Variants in PLA2G4C observed in about 807,000 individuals in gnomAD.
The protein encoded by PLA2G4C is cytosolic phospholipase A2 gamma.
Under a neutral mutation model 73.8 loss-of-function variants are expected in PLA2G4C, and 64 were observed. The observed-to-expected ratio is 0.87, with a 90% CI of 0.71 to 1.07. The LOEUF is 1.07. Among genes scored for constraint, PLA2G4C ranks in the 50% least tolerant of loss-of-function variants. PLA2G4C has a pLI of 0.00. For missense variants in PLA2G4C, 622 were observed against 665.4 expected (o/e 0.93, Z 0.72); for synonymous variants, 254 against 252.1 (o/e 1.01, Z -0.07).
At chr19:48,074,021 G>A (rs1210215290) in intron 12 of PLA2G4C, among the ~76,000 whole-genome samples, 1 of 152,024 alleles carries the variant, frequency 6.6e-6, no homozygotes, top group African/African-American at 2.4e-5. Flanking sequence ...TGCAGGACGT[G>A]TAGATTTGTT....
chr19:48,099,424 A>G (rs2031780498), intron 5 of PLA2G4C, among the ~76,000 whole-genome samples: 1 of 152,144 alleles, frequency 6.6e-6, no homozygotes, highest in South Asian at 2.1e-4. Flanking sequence ...ATGTCTGTGT[A>G]TCTTTCTAGT....
chr19:48,101,833 C>T (rs2031936154), intron 4 of PLA2G4C, among the ~76,000 whole-genome samples: 1 of 151,632 alleles, frequency 6.6e-6, no homozygotes, highest in Admixed American at 6.6e-5. Context: ...TGCCACCACA[C>T]CCAGCTAATT....
chr19:48,096,259 C>A (rs1025855490), intron 6 of PLA2G4C, among the ~76,000 whole-genome samples: 1 of 151,864 alleles, frequency 6.6e-6, no homozygotes, highest in Non-Finnish European at 1.5e-5. Context: ...GGTGAGAAAA[C>A]AGCACAAGGA....
At chr19:48,080,993 C>CAAAAAAAAAAAAA (rs34388817) in intron 10 of PLA2G4C, among the ~76,000 whole-genome samples, 3 of 102,870 alleles carry the variant, frequency 2.9e-5, no homozygotes, top group Non-Finnish European at 3.8e-5. Context: ...ACTAAAAATA[C>CAAAAAAAAAAAAA]AAAAAAAAAA....
At chr19:48,079,985 T>C (rs1413297781) in intron 10 of PLA2G4C, among the ~76,000 whole-genome samples, 1 of 152,080 alleles carries the variant, frequency 6.6e-6, no homozygotes, top group Non-Finnish European at 1.5e-5. Context: ...ATATGGGACC[T>C]GAGTAAATTA....
chr19:48,096,381 G>A (rs1181437775), intron 6 of PLA2G4C, among the ~76,000 whole-genome samples: 4 of 152,032 alleles, frequency 2.6e-5, no homozygotes, highest in Admixed American at 6.6e-5. Context: ...TCAGGAGTTC[G>A]AGACCAGCCT....
chr19:48,084,111 CTGTAGTGGTG>C (rs2122598475), intron 10 of PLA2G4C, among the ~76,000 whole-genome samples: 1 of 148,574 alleles, frequency 6.7e-6, no homozygotes, highest in South Asian at 2.1e-4. Context: ...CCAGACTGGA[CTGTAGTGGTG>C]TGATCTTAGC....
rs144045212 is a variant in PLA2G4C, at chr19:48,076,190, C to G, written c.899-1316G>C. Among the ~76,000 whole-genome samples the G allele has an allele frequency of 2.9e-3, 440 of 152,332 alleles. 5 individuals carry two copies. The highest frequency in any genetic ancestry group is 0.015 in the East Asian group (76 of 5,186). ...GTGGATGAAGGGCTGTGCTCAGGAC[C>G]TACCTTCACTCTGTACCTGACTGTT... On this transcript the variant is annotated intron_variant, in intron 11 of 16. Coordinates refer to ENST00000599921, the MANE Select transcript of PLA2G4C (RefSeq NM_003706.3).
intron 1 of PLA2G4C, chr19:48,108,641 A>G (rs368958): frequency 0.15 from 22,330 of 152,118 alleles, 1,933 homozygotes; most frequent in African/African-American, 0.24. Flanking sequence ...TATGAATGTG[A>G]CTTCAGGCCA....
At chr19:48,068,715 A>T (rs1403417830) in intron 12 of PLA2G4C, among the ~76,000 whole-genome samples, 1 of 150,024 alleles carries the variant, frequency 6.7e-6, no homozygotes, top group African/African-American at 2.5e-5. Flanking sequence ...TTTAGATACA[A>T]GGGAGACCTT....
intron 12 of PLA2G4C, among the ~76,000 whole-genome samples, chr19:48,068,335 T>C (rs1474798318): frequency 9.4e-6 from 1 of 106,582 alleles, no homozygotes; most frequent in Non-Finnish European, 1.9e-5. Context: ...AGTGGGGGGG[T>C]CATTCAGGAT....
chr19:48,100,922 AAAAAAAAAG>A (rs2031877121), intron 4 of PLA2G4C, among the ~76,000 whole-genome samples: 2 of 148,686 alleles, frequency 1.3e-5, no homozygotes, highest in South Asian at 4.2e-4. Flanking sequence ...TCAAAAAGAA[AAAAAAAAAG>A]AAAAAAAAGA....
rs542944760 is a variant in PLA2G4C at position 48,103,602 on chromosome 19, TG to T, written c.257+985del. On this transcript the variant is annotated intron_variant, in intron 4 of 16. Coordinates refer to ENST00000599921, the MANE Select transcript of PLA2G4C (RefSeq NM_003706.3). ...CAAGATCGATTAGTCATGTCTGCCC[TG>T]GGCTTGGCAACAAACATGCAGACAT... Among the ~76,000 whole-genome samples, 24 of 152,354 alleles carry T rather than the reference TG, an allele frequency of 1.6e-4. No homozygotes were observed. In the East Asian group the frequency reaches 4.6e-3, roughly 29 times the overall value.
chr19:48,097,345 C>T (rs190983605), intron 6 of PLA2G4C, among the ~76,000 whole-genome samples: 75 of 147,132 alleles, frequency 5.1e-4, no homozygotes, highest in African/African-American at 1.6e-3. Context: ...CTCCGCCTCC[C>T]GGGTTCACGC....
chr19:48,110,560 C>CTCCGGAATCCGGTGCGGAGGCTTGGGG lies in PLA2G4C; in HGVS notation c.-107_-106insCCCCAAGCCTCCGCACCGGATTCCGGA. 2.0e-6 allele frequency: 3 copies of CTCCGGAATCCGGTGCGGAGGCTTGGGG among 1,475,760 alleles called. No homozygotes were observed. Among genetic ancestry groups the CTCCGGAATCCGGTGCGGAGGCTTGGGG allele is most frequent in the Non-Finnish European group, 2.7e-6 (3 of 1,108,422 alleles). 91.4% of individuals were successfully genotyped at this position (1,475,760 alleles called of 1,614,324 possible). On this transcript the variant is annotated 5_prime_UTR_variant, in exon 1 of 17. Transcript: ENST00000599921. ...CCGGAATCCGGTGCGGAGGCTTGGGCTCCCTGCGCTTAGCGGTGTAGTCGC... is the reference window on the plus strand; with the variant it reads ...CCGGAATCCGGTGCGGAGGCTTGGGCTCCGGAATCCGGTGCGGAGGCTTGGGGTCCCTGCGCTTAGCGGTGTAGTCGC...
chr19:48,085,377 C>T (rs937112988), intron 9 of PLA2G4C, among the ~76,000 whole-genome samples: 8 of 152,124 alleles, frequency 5.3e-5, no homozygotes, highest in Non-Finnish European at 8.8e-5. Context: ...AGACTGGCTA[C>T]CCCAAGGCCA....
At chr19:48,109,500 A>C (rs2032382198) in intron 1 of PLA2G4C, among the ~76,000 whole-genome samples, 2 of 152,212 alleles carry the variant, frequency 1.3e-5, no homozygotes, top group Non-Finnish European at 2.9e-5. Flanking sequence ...TTGAACTCCT[A>C]GGCTCAAGAG....
chr19:48,067,104 G>A (rs1036551062), intron 13 of PLA2G4C, among the ~76,000 whole-genome samples: 10 of 151,934 alleles, frequency 6.6e-5, no homozygotes, highest in African/African-American at 1.9e-4. Context: ...GTTCCCAGGA[G>A]TCTGACATCA....
At chr19:48,094,557 C>G (rs184106058) in intron 7 of PLA2G4C, among the ~76,000 whole-genome samples, 2 of 152,162 alleles carry the variant, frequency 1.3e-5, no homozygotes, top group Admixed American at 1.3e-4. Flanking sequence ...GAGGTAAGTA[C>G]TTTCCCTATG....
Sources: allele counts gnomAD v4.1 joint callset (sites outside exome capture counted in the v4.1 genomes callset), GRCh38; gene constraint gnomAD v4.1.1; transcripts MANE v1.5; gene names NCBI Gene and HGNC (gene_info 2026-07-23, HGNC 2026-07-21).